TCF12: variants seen among roughly 807,000 people sequenced by gnomAD.
TCF12 encodes DNA-binding protein HTF4.
A neutral mutation model predicts 86.0 loss-of-function variants in TCF12; 45 were observed. The ratio of observed to expected loss-of-function variants is 0.52; its 90% CI spans 0.41 to 0.67. TCF12 has a LOEUF of 0.67. Among genes scored for constraint, TCF12 ranks in the 30% least tolerant of loss-of-function variants. The pLI is 0.00. For synonymous variants in TCF12, 330 were observed against 299.6 expected (o/e 1.10, Z -1.05); for missense variants, 881 against 859.9 (o/e 1.02, Z -0.31).
At chr15:57,001,314 T>C (rs2064022213) in intron 3 of TCF12, 1 of 178,118 alleles carries the variant, frequency 5.6e-6, no homozygotes, top group African/African-American at 2.4e-5. Context: ...TATTTCATTG[T>C]CCAGGAATTC....
chr15:57,199,041 A>G (rs1188864363), intron 8 of TCF12, among the ~76,000 whole-genome samples: 1 of 152,146 alleles, frequency 6.6e-6, no homozygotes, highest in African/African-American at 2.4e-5. Context: ...TATGCAGCCT[A>G]GGGCAGCTGT....
At chr15:57,045,596 A>G (rs1427552777) in intron 3 of TCF12, among the ~76,000 whole-genome samples, 1 of 152,130 alleles carries the variant, frequency 6.6e-6, no homozygotes, top group African/African-American at 2.4e-5. Context: ...CCCAGGCTGC[A>G]GTACAATGGC....
intron 5 of TCF12, among the ~76,000 whole-genome samples, chr15:57,107,292 T>A (rs980364846): frequency 5.9e-5 from 9 of 152,172 alleles, no homozygotes; most frequent in Admixed American, 5.2e-4. Context: ...CAGATTACTA[T>A]GTGTAAGTGC....
intron 3 of TCF12, among the ~76,000 whole-genome samples, chr15:56,926,415 A>C (rs1281231293): frequency 6.6e-6 from 1 of 152,186 alleles, no homozygotes; most frequent in African/African-American, 2.4e-5. Flanking sequence ...ACATTATTGT[A>C]GTTTAAATTG....
intron 3 of TCF12, among the ~76,000 whole-genome samples, chr15:57,004,242 T>C (rs1427450373): frequency 1.3e-5 from 2 of 152,036 alleles, no homozygotes; most frequent in East Asian, 1.9e-4. Flanking sequence ...TCTTTCTTTT[T>C]TTTTTTTTGA....
intron 8 of TCF12, among the ~76,000 whole-genome samples, chr15:57,219,877 C>T (rs1250686877): frequency 6.6e-6 from 1 of 152,030 alleles, no homozygotes; most frequent in East Asian, 1.9e-4. Context: ...AGGCACCCGC[C>T]ACCATGCCCA....
intron 18 of TCF12, among the ~76,000 whole-genome samples, chr15:57,264,264 C>T (rs1190230274): frequency 8.7e-6 from 1 of 114,390 alleles, no homozygotes; most frequent in Non-Finnish European, 1.6e-5. Flanking sequence ...GCAGTGGCAT[C>T]ATCTCGGCTC....
intron 8 of TCF12, among the ~76,000 whole-genome samples, chr15:57,208,380 C>CTTTT (rs1184422578): frequency 0.18 from 11,392 of 64,866 alleles, 1,875 homozygotes; most frequent in Middle Eastern, 0.26. Flanking sequence ...CAAAAATATC[C>CTTTT]TTTTTTTTTT....
chr15:56,969,104 G>A (rs552503938), intron 3 of TCF12, among the ~76,000 whole-genome samples: 13 of 152,316 alleles, frequency 8.5e-5, no homozygotes, highest in Middle Eastern at 3.4e-3. Flanking sequence ...TGTCAACAAG[G>A]AATTTCCTTG....
chr15:57,231,035 G>T, intron 8 of TCF12, 117 bp from the exon 9 acceptor site: 1 of 651,778 alleles, frequency 1.5e-6, no homozygotes, highest in Non-Finnish European at 2.7e-6. Flanking sequence ...ATTTGTGGTA[G>T]CCCTTTATAA....
At chr15:57,192,619 C>T (rs1407203498) in intron 7 of TCF12, among the ~76,000 whole-genome samples, 1 of 152,156 alleles carries the variant, frequency 6.6e-6, no homozygotes, top group Non-Finnish European at 1.5e-5. Flanking sequence ...AACTCCTGAT[C>T]TCAAGTGATC....
chr15:57,220,302 G>T (rs2058530484), intron 8 of TCF12, among the ~76,000 whole-genome samples: 1 of 152,118 alleles, frequency 6.6e-6, no homozygotes, highest in South Asian at 2.1e-4. Flanking sequence ...AGGAAAAGAT[G>T]AAAGTCATCT....
At position 57,255,734 on chromosome 15, in the gene TCF12, G is replaced by A. The variant is rs143659480; in HGVS notation, c.1467+2266G>A. 4.6e-5 allele frequency among the ~76,000 whole-genome samples: 7 copies of A among 152,054 alleles called. No individual in the cohort carries two copies. In the East Asian group the frequency reaches 7.7e-4, roughly 17 times the overall value. On this transcript the variant is annotated intron_variant, in intron 16 of 20. Coordinates refer to ENST00000333725, the MANE Select transcript of TCF12 (RefSeq NM_207037.2). ...CCTGACCTTGTGATCCGCCCACCTC[G>A]GCCTCCCAAAGTGCTGGGATTACAG...
At chr15:57,218,465 G>A (rs980214327) in intron 8 of TCF12, among the ~76,000 whole-genome samples, 16 of 152,106 alleles carry the variant, frequency 1.1e-4, no homozygotes, top group Admixed American at 6.5e-5. Context: ...TTTTGACTTC[G>A]AAGTATGAGT....
intron 6 of TCF12, among the ~76,000 whole-genome samples, chr15:57,172,137 T>C (rs1327569412): frequency 6.6e-6 from 1 of 152,164 alleles, no homozygotes; most frequent in Non-Finnish European, 1.5e-5. Context: ...CAATCTCATA[T>C]GCAGACATTT....
intron 5 of TCF12, among the ~76,000 whole-genome samples, chr15:57,097,567 A>G (rs1321526572): frequency 1.3e-5 from 2 of 152,074 alleles, no homozygotes; most frequent in African/African-American, 2.4e-5. Flanking sequence ...GTAGTTTGAT[A>G]TACTTGAAAT....
intron 5 of TCF12, among the ~76,000 whole-genome samples, chr15:57,136,467 A>G (rs1322983162): frequency 2.6e-5 from 4 of 152,222 alleles, no homozygotes; most frequent in Non-Finnish European, 5.9e-5. Flanking sequence ...AATTCCCATG[A>G]TTTAAGTCAC....
chr15:56,920,464 C>G (rs1232195915), intron 2 of TCF12, among the ~76,000 whole-genome samples: 1 of 137,620 alleles, frequency 7.3e-6, no homozygotes, highest in Non-Finnish European at 1.5e-5. Flanking sequence ...AAACAGAGTA[C>G]TTTTATTTTA....
intron 18 of TCF12, among the ~76,000 whole-genome samples, chr15:57,266,852 C>T (rs1175482635): frequency 6.6e-6 from 1 of 152,080 alleles, no homozygotes; most frequent in Non-Finnish European, 1.5e-5. Context: ...GCCTGGGCTA[C>T]ATAGCTAGAT....
Sources: gnomAD v4.1 joint callset for allele counts (sites outside exome capture counted in the v4.1 genomes callset) on GRCh38, gnomAD v4.1.1 for gene constraint, MANE v1.5 for transcripts, NCBI Gene and HGNC (gene_info 2026-07-23, HGNC 2026-07-21) for gene names.